FRMD4A: variants seen among roughly 807,000 people sequenced by gnomAD.
FRMD4A encodes FERM domain containing 4A, also known as FERM domain-containing protein 4A.
A neutral mutation model predicts 129.1 loss-of-function variants in FRMD4A; 29 were observed. That is an observed-to-expected ratio of 0.22 (90% confidence interval 0.17 to 0.31). The LOEUF is 0.31. Ranked by LOEUF, FRMD4A falls within the 10% of genes least tolerant of loss-of-function variation. FRMD4A has a pLI of 1.00. For synonymous variants in FRMD4A, 634 were observed against 571.6 expected, an observed-to-expected ratio of 1.11 and a Z score of -1.56; for missense variants, 1,272 against 1,375.8, an observed-to-expected ratio of 0.92 and a Z score of 1.19.
intron 2 of FRMD4A, among the ~76,000 whole-genome samples, chr10:14,082,363 A>G (rs530495050): frequency 6.6e-6 from 1 of 152,250 alleles, no homozygotes; most frequent in African/African-American, 2.4e-5. Flanking sequence ...TAGAACTACT[A>G]CCAAACTAGA....
chr10:14,147,503 G>C (rs138668468), intron 2 of FRMD4A, among the ~76,000 whole-genome samples: 1 of 152,024 alleles, frequency 6.6e-6, no homozygotes, highest in South Asian at 2.1e-4. Flanking sequence ...TATACAACTC[G>C]CCATAATGTA....
Position 13,821,654 on chromosome 10 carries a change from C to T in FRMD4A, c.112-10746G>A, listed in dbSNP as rs541532669. 6.6e-5 allele frequency among the ~76,000 whole-genome samples: 10 copies of T among 152,258 alleles called. No homozygotes were observed. The highest frequency in any genetic ancestry group is 4.6e-4 in the Admixed American group (7 of 15,286). On this transcript the variant is annotated intron_variant, in intron 3 of 24. Coordinates refer to ENST00000357447, the MANE Select transcript of FRMD4A (RefSeq NM_018027.5). This position sits in a 1 kb window ranked among gnomAD's most constrained non-coding sequence, Gnocchi z 4.3. ...ACCTGAAGTAGACACCAGGATTGCC[C>T]CCATGTGATAGAGGGAACTGAGATA...
chr10:13,827,933 C>T (rs2093728695), intron 3 of FRMD4A, among the ~76,000 whole-genome samples: 1 of 152,136 alleles, frequency 6.6e-6, no homozygotes. Flanking sequence ...GCTCGAAGCC[C>T]CTCCCCTGTC....
At chr10:14,099,953 T>G (rs1364313519) in intron 2 of FRMD4A, among the ~76,000 whole-genome samples, 2 of 152,164 alleles carry the variant, frequency 1.3e-5, no homozygotes, top group African/African-American at 2.4e-5. Flanking sequence ...AGCGAGTACC[T>G]TCTCCCTCCG....
chr10:13,661,548 C>T (rs758768232), intron 19 of FRMD4A, among the ~76,000 whole-genome samples: 17 of 152,144 alleles, frequency 1.1e-4, no homozygotes, highest in Non-Finnish European at 2.5e-4. Flanking sequence ...CCTGGAATTC[C>T]GAGTTGAGAT....
At chr10:14,101,363 T>C (rs1245835084) in intron 2 of FRMD4A, among the ~76,000 whole-genome samples, 4 of 152,222 alleles carry the variant, frequency 2.6e-5, no homozygotes, top group Non-Finnish European at 5.9e-5. Flanking sequence ...TTTCTTAAAA[T>C]AATTACTTGC....
At chr10:13,874,238 A>G (rs11258685) in intron 2 of FRMD4A, among the ~76,000 whole-genome samples, 6,980 of 92,238 alleles carry the variant, frequency 0.076, 689 homozygotes, top group East Asian at 0.51. Context: ...AGAGTGAGAC[A>G]CTGTCTCAAA....
In FRMD4A at chr10:13,959,622, G is replaced by A. The variant is rs971913433; in HGVS notation, c.46-100710C>T. 4.0e-5 allele frequency among the ~76,000 whole-genome samples: 6 copies of A among 151,614 alleles called. No individual in the cohort carries two copies. In the South Asian group the frequency reaches 8.3e-4, roughly 21 times the overall value. On this transcript the variant is annotated intron_variant, in intron 2 of 24. Transcript: ENST00000357447. ...AGGTTGTGTCATGACAGCTGAGCTC[G>A]TTGTTTCATGGGTTTACCCGCTTCA...
chr10:13,957,941 A>G (rs2095419686), intron 2 of FRMD4A, among the ~76,000 whole-genome samples: 1 of 151,682 alleles, frequency 6.6e-6, no homozygotes, highest in Admixed American at 6.6e-5. Flanking sequence ...TCTTTTTTTG[A>G]AAACCCTCCC....
intron 2 of FRMD4A, among the ~76,000 whole-genome samples, chr10:14,225,972 G>A (rs1457506816): frequency 1.3e-5 from 2 of 152,172 alleles, no homozygotes; most frequent in African/African-American, 4.8e-5. Flanking sequence ...CTGATAAGGA[G>A]CTGGTCTTGC....
At chr10:13,707,521 C>T (rs1426148570) in intron 12 of FRMD4A, 27 of 1,006,648 alleles carry the variant, frequency 2.7e-5, no homozygotes, top group Non-Finnish European at 3.2e-5. Flanking sequence ...GCGAGAGGAG[C>T]GAGCGCTCAG....
intron 2 of FRMD4A, among the ~76,000 whole-genome samples, chr10:14,185,418 T>C (rs137899617): frequency 5.9e-5 from 9 of 152,128 alleles, no homozygotes; most frequent in South Asian, 2.1e-4. Flanking sequence ...ACCCTAAGCG[T>C]AAGGAGAGCT....
At chr10:13,908,704 T>A (rs1199948603) in intron 2 of FRMD4A, among the ~76,000 whole-genome samples, 1 of 152,220 alleles carries the variant, frequency 6.6e-6, no homozygotes, top group Non-Finnish European at 1.5e-5. Flanking sequence ...ATTCATTCAT[T>A]TGATGACCTT....
At chr10:13,660,277 A>G (rs369784312) in intron 20 of FRMD4A, 39 bp downstream of exon 20, 181 of 1,272,550 alleles carry the variant, frequency 1.4e-4, no homozygotes, top group Non-Finnish European at 2.0e-4. Context: ...CAGAGCATAG[A>G]GGGAGGCCTC....
At chr10:13,917,995 A>G (rs908684234) in intron 2 of FRMD4A, among the ~76,000 whole-genome samples, 1 of 152,200 alleles carries the variant, frequency 6.6e-6, no homozygotes, top group Non-Finnish European at 1.5e-5. Flanking sequence ...AGTGATCACT[A>G]TTACCTTAGT....
chr10:13,954,626 C>A (rs548540976), intron 2 of FRMD4A, among the ~76,000 whole-genome samples: 1 of 152,182 alleles, frequency 6.6e-6, no homozygotes, highest in South Asian at 2.1e-4. Flanking sequence ...GAGAAATTCC[C>A]CTTCCAGCAC....
intron 2 of FRMD4A, among the ~76,000 whole-genome samples, chr10:13,876,100 C>T: frequency 6.6e-6 from 1 of 152,176 alleles, no homozygotes; most frequent in Non-Finnish European, 1.5e-5. Context: ...CAGGAAGGGA[C>T]CAGAGACTTT....
intron 3 of FRMD4A, among the ~76,000 whole-genome samples, chr10:13,857,455 G>A (rs114177713): frequency 1.9e-3 from 284 of 152,178 alleles, no homozygotes; most frequent in African/African-American, 6.5e-3. Context: ...ACCAAAAAGG[G>A]AACAACACTT....
Position 13,674,958 on chromosome 10 carries a change from G to C in FRMD4A, c.1204C>G (p.Leu402Val). 1 of 1,614,136 alleles carries C rather than the reference G, an allele frequency of 6.2e-7. No individual in the cohort carries two copies. The highest frequency in any genetic ancestry group is 2.2e-5 in the East Asian group (1 of 44,890). Residue 402 changes from leucine (L) to valine (V), a missense_variant, in exon 16 of 25, where the codon CTG (leucine) becomes GTG (valine). Physicochemically the swap from Leu to Val is conservative, Grantham distance 32. Coordinates refer to ENST00000357447, the MANE Select transcript of FRMD4A (RefSeq NM_018027.5). The part of the protein sequence containing the change: ...KSRQEALEET[L>V]RQRLEELKKL... ...TTCAGTTCCTCCAGCCTCTGACGCA[G>C]GGTTTCCTCCAGAGCTTCCTGCCTG...
Sources: gnomAD v4.1 joint callset for allele counts (sites outside exome capture counted in the v4.1 genomes callset) on GRCh38, gnomAD v4.1.1 for gene constraint, Gnocchi (gnomAD v3.1) non-coding constraint, MANE v1.5 for transcripts, NCBI Gene and HGNC (gene_info 2026-07-23, HGNC 2026-07-21) for gene names.